The following WWP2 variants were observed in gnomAD, a reference collection of about 807,000 sequenced individuals.
The protein encoded by WWP2 is NEDD4-like E3 ubiquitin-protein ligase WWP2.
Under a neutral mutation model 121.0 loss-of-function variants are expected in WWP2, and 57 were observed. The observed-to-expected ratio is 0.47, with a 90% confidence interval of 0.38 to 0.59. The LOEUF is 0.59. Ranked by LOEUF, WWP2 falls within the 20% of genes least tolerant of loss-of-function variation. The pLI, the probability that WWP2 is intolerant of heterozygous loss-of-function variation, is 0.00. For missense variants in WWP2, 962 were observed against 1,158.9 expected, an observed-to-expected ratio of 0.83 and a Z score of 2.47; for synonymous variants, 449 against 441.3, an observed-to-expected ratio of 1.02 and a Z score of -0.22.
At chr16:69,939,663 T>A (rs1362895359) in intron 23 of WWP2, among the ~76,000 whole-genome samples, 178 bp from the exon 24 acceptor site, 1 of 152,068 alleles carries the variant, frequency 6.6e-6, no homozygotes, top group South Asian at 2.1e-4. Flanking sequence ...CCAGCTGTCC[T>A]GGCCCCTCCC....
In WWP2 at chr16:69,888,077, C is replaced by T; in HGVS notation, c.742C>T (p.Pro248Ser). The T allele has an allele frequency of 6.2e-7, 1 of 1,614,198 alleles. No homozygotes were observed. The highest frequency in any genetic ancestry group is 8.5e-7 in the Non-Finnish European group (1 of 1,180,040). The change falls in exon 8 of 24, where the codon CCT (proline) becomes TCT (serine). Residue 248 changes from proline to serine, a missense_variant. By Grantham distance (74) the Pro-to-Ser change is moderately conservative. Around this residue, in one of 3 missense-constraint regions of WWP2, gnomAD observed 211 missense variants for 196.5 expected, o/e 1.07. Coordinates refer to ENST00000359154, the MANE Select transcript of WWP2 (RefSeq NM_001270454.2). ...EPTTATDPEE[P>S]SVVGVTSPPA... ...CACAACAGCCACTGATCCCGAAGAA[C>T]CTTCCGTTGTTGGTGTGACGTCCCC...
intron 8 of WWP2, among the ~76,000 whole-genome samples, chr16:69,890,646 GC>G (rs1396528895): frequency 6.6e-6 from 1 of 152,128 alleles, no homozygotes; most frequent in East Asian, 1.9e-4. Flanking sequence ...TGCCTGGAAG[GC>G]CGGCCTCACT....
chr16:69,916,865 T>TA (rs893744750), intron 9 of WWP2, among the ~76,000 whole-genome samples: 8 of 151,406 alleles, frequency 5.3e-5, no homozygotes, highest in South Asian at 2.1e-4. Context: ...GCCTTGAGTT[T>TA]AAAAAAAAAT....
intron 4 of WWP2, among the ~76,000 whole-genome samples, chr16:69,812,091 T>A (rs919664757): frequency 3.9e-5 from 6 of 151,966 alleles, no homozygotes; most frequent in African/African-American, 1.2e-4. Context: ...TAAATCTGGA[T>A]CTGCATCAGT....
At chr16:69,869,516 T>C (rs1048205128) in intron 6 of WWP2, among the ~76,000 whole-genome samples, 2 of 151,990 alleles carry the variant, frequency 1.3e-5, no homozygotes, top group Middle Eastern at 3.2e-3. Flanking sequence ...GCTAATTTTT[T>C]AAATTTTTTG....
At chr16:69,893,577 TTTTG>T (rs2058063415) in intron 8 of WWP2, among the ~76,000 whole-genome samples, 1 of 152,070 alleles carries the variant, frequency 6.6e-6, no homozygotes, top group African/African-American at 2.4e-5. Flanking sequence ...TTGTTTTTGT[TTTTG>T]TTTTTGTTTT....
chr16:69,779,860 A>G (rs917178491), intron 1 of WWP2, among the ~76,000 whole-genome samples: 3 of 152,230 alleles, frequency 2.0e-5, no homozygotes, highest in African/African-American at 7.2e-5. Context: ...ATTATTCAAG[A>G]TACGATCTTT....
rs190730797 is a variant in WWP2, at chr16:69,822,906, G to A, written c.341-17220G>A. The stretch of plus-strand genomic sequence containing the variant: ...AATCCCAGCACTTTGGGAGGCTGAG[G>A]CCAGTGGATCATTTGAGGCCAGGAA... On this transcript the variant is annotated intron_variant, in intron 4 of 23. Coordinates refer to ENST00000359154, the MANE Select transcript of WWP2 (RefSeq NM_001270454.2). Among the ~76,000 whole-genome samples the A allele has an allele frequency of 5.9e-5, 9 of 152,336 alleles. No homozygotes were observed. The East Asian group carries it at 1.7e-3, about 29-fold the overall frequency.
intron 12 of WWP2, 27 bp downstream of exon 12, chr16:69,929,556 C>G (rs373902710): frequency 6.2e-7 from 1 of 1,607,554 alleles, no homozygotes; most frequent in Non-Finnish European, 8.5e-7. Flanking sequence ...AGAGGGGGGC[C>G]GGGCTGGGCT....
rs147683911 is a variant in WWP2 at position 69,936,444 on chromosome 16, G to A, written c.2109G>A (p.Glu703=). ...SIRVTEENKE[E]YIMLLTDWRF... ...GGGTCACAGAGGAGAACAAGGAAGAGTACATCATGTGAGTCTCAGGCGCCG... is the reference window on the plus strand; with the variant it reads ...GGGTCACAGAGGAGAACAAGGAAGAATACATCATGTGAGTCTCAGGCGCCG... The change falls in exon 19 of 24, where the codon GAG becomes GAA. Residue 703 remains glutamate, a synonymous_variant. Coordinates refer to ENST00000359154, the MANE Select transcript of WWP2 (RefSeq NM_001270454.2). 5.0e-6 allele frequency: 8 copies of A among 1,613,964 alleles called. No homozygotes were observed. In the African/African-American group the frequency reaches 8.0e-5, roughly 16 times the overall value.
intron 12 of WWP2, among the ~76,000 whole-genome samples, 184 bp from the exon 13 acceptor site, chr16:69,929,943 GATA>G (rs1030859552): frequency 5.9e-5 from 9 of 152,218 alleles, no homozygotes; most frequent in Non-Finnish European, 1.3e-4. Flanking sequence ...TTGGCCATGA[GATA>G]ATAAGTGACC....
At chr16:69,863,597 C>T (rs1257750412) in intron 6 of WWP2, among the ~76,000 whole-genome samples, 5 of 152,106 alleles carry the variant, frequency 3.3e-5, no homozygotes, top group South Asian at 2.1e-4. Context: ...GCCGAGATTG[C>T]GCCACTTCAC....
intron 6 of WWP2, among the ~76,000 whole-genome samples, chr16:69,856,849 G>C (rs921975503): frequency 4.0e-5 from 6 of 151,784 alleles, no homozygotes; most frequent in African/African-American, 1.5e-4. Flanking sequence ...AACTATCCCA[G>C]CTTCCTTTTG....
At chr16:69,778,184 A>ATT (rs2055579526) in intron 1 of WWP2, among the ~76,000 whole-genome samples, 1 of 90,094 alleles carries the variant, frequency 1.1e-5, no homozygotes, top group African/African-American at 7.7e-5. Flanking sequence ...ATATATATAT[A>ATT]TATATATATT....
intron 8 of WWP2, among the ~76,000 whole-genome samples, chr16:69,889,815 G>A (rs2057992987): frequency 6.6e-6 from 1 of 152,128 alleles, no homozygotes; most frequent in Non-Finnish European, 1.5e-5. Flanking sequence ...ATGACTTGGT[G>A]GTGTGTATCC....
At chr16:69,934,859 G>A (rs956670956) in intron 17 of WWP2, among the ~76,000 whole-genome samples, 3 of 152,152 alleles carry the variant, frequency 2.0e-5, no homozygotes, top group Non-Finnish European at 2.9e-5. Flanking sequence ...GGGGCGAAGG[G>A]TAGAGCCCAG....
chr16:69,935,411 G>A lies in WWP2; in HGVS notation c.1843-442G>A, dbSNP rs962545979. ...GACTATTACTCACCATTGGCCGCCA[G>A]CTCTCGCTGTCGGCGGTGTCTGCAT... On this transcript the variant is annotated intron_variant, in intron 17 of 23. Coordinates refer to ENST00000359154, the MANE Select transcript of WWP2 (RefSeq NM_001270454.2). The surrounding 1 kb of genome is among the most constrained non-coding windows in gnomAD (Gnocchi z 5.2). Among the ~76,000 whole-genome samples the A allele has an allele frequency of 2.0e-5, 3 of 152,244 alleles. No homozygotes were observed. The highest frequency in any genetic ancestry group is 7.2e-5 in the African/African-American group (3 of 41,474).
chr16:69,937,009 G>T lies in WWP2; in HGVS notation c.2118-109G>T. On this transcript the variant is annotated intron_variant, in intron 19 of 23. Coordinates refer to ENST00000359154, the MANE Select transcript of WWP2 (RefSeq NM_001270454.2). This position sits in a 1 kb window ranked among gnomAD's most constrained non-coding sequence, Gnocchi z 6.6. ...AGGCTGGGTCTGGGTGTGCGAAGTG[G>T]GCTCTGCTGATCTGGTGGTCCTGCG... 6.9e-7 allele frequency: 1 copy of T among 1,439,010 alleles called. No homozygotes were observed. Among genetic ancestry groups the T allele is most frequent in the Non-Finnish European group, 9.3e-7 (1 of 1,079,500 alleles). The allele number at this position is 1,439,010 out of a possible 1,614,324, so 89.1% of individuals were successfully genotyped here. A position where few individuals can be genotyped will look rare whatever the true frequency, so the allele number is the denominator to read the frequency against.
intron 4 of WWP2, among the ~76,000 whole-genome samples, chr16:69,823,552 T>G (rs1390524968): frequency 6.6e-6 from 1 of 152,136 alleles, no homozygotes; most frequent in South Asian, 2.1e-4. Flanking sequence ...CACTGCAGCC[T>G]GTGCTCCTGG....
Sources: gnomAD v4.1 joint callset for allele counts (sites outside exome capture counted in the v4.1 genomes callset) on GRCh38, gnomAD v4.1.1 for gene constraint, gnomAD v4.1.1 regional missense constraint, Gnocchi (gnomAD v3.1) non-coding constraint, MANE v1.5 for transcripts, NCBI Gene and HGNC (gene_info 2026-07-23, HGNC 2026-07-21) for gene names.